Variants in BCAS3 observed in about 807,000 individuals in gnomAD.
The protein encoded by BCAS3 is BCAS3 microtubule associated cell migration factor, also known as BCAS4/BCAS3 fusion.
A neutral mutation model predicts 116.1 loss-of-function variants in BCAS3; 53 were observed. The observed-to-expected ratio is 0.46, with a 90% CI of 0.37 to 0.57. The LOEUF (loss-of-function observed/expected upper bound fraction) is 0.57, where lower values mean the gene tolerates loss of function less well. Among genes scored for constraint, BCAS3 ranks in the 20% least tolerant of loss-of-function variants. BCAS3 has a pLI of 0.00. For synonymous variants in BCAS3, 391 were observed against 408.2 expected (o/e 0.96, Z 0.51); for missense variants, 917 against 1,165.4 (o/e 0.79, Z 3.10).
At position 61,026,498 on chromosome 17, in the gene BCAS3, T is replaced by A. The variant is rs2066255205; in HGVS notation, c.1638-8168T>A. Among the ~76,000 whole-genome samples, 1 of 152,088 alleles carries A rather than the reference T, an allele frequency of 6.6e-6. No individual in the cohort carries two copies. The highest frequency in any genetic ancestry group is 1.5e-5 in the Non-Finnish European group (1 of 67,946). Reference sequence around the variant, plus strand: ...TTTTAACCATTTTGTGTCACATAGCTACACATTTGTTGCTATTGATCTCAC... The same window carrying A: ...TTTTAACCATTTTGTGTCACATAGCAACACATTTGTTGCTATTGATCTCAC... On this transcript the variant is annotated intron_variant, in intron 16 of 23. Coordinates refer to ENST00000407086, the MANE Select transcript of BCAS3 (RefSeq NM_017679.5). The surrounding 1 kb of genome is among the most constrained non-coding windows in gnomAD (Gnocchi z 5.0).
intron 6 of BCAS3, among the ~76,000 whole-genome samples, chr17:60,792,541 C>T (rs977175165): frequency 7.9e-5 from 12 of 152,290 alleles, no homozygotes; most frequent in Middle Eastern, 3.4e-3. Flanking sequence ...CAGAGGTTTC[C>T]GGCTGGCGAA....
In BCAS3 at chr17:61,015,778, A is replaced by C; in HGVS notation, c.1514A>C (p.Asn505Thr). ...HGKLNSQDSYNNFTNNNPGNP... is the reference protein window; with the variant it reads ...HGKLNSQDSYTNFTNNNPGNP... ...AAACTGAACAGCCAAGACTCCTATA[A>C]CAATTTTACCAACAACAACCCTGGC... Residue 505 changes from asparagine (N) to threonine (T), a missense_variant, in exon 16 of 24, where the codon AAC becomes ACC. By Grantham distance (65) the Asn-to-Thr change is moderately conservative. This residue lies in a region of BCAS3 where 807 missense variants were observed against 1,026.0 expected (regional missense o/e 0.79). Coordinates refer to ENST00000407086, the MANE Select transcript of BCAS3 (RefSeq NM_017679.5). The C allele has an allele frequency of 6.2e-7, 1 of 1,613,946 alleles. No homozygotes were observed. Among genetic ancestry groups the C allele is most frequent in the Non-Finnish European group, 8.5e-7 (1 of 1,179,922 alleles).
At position 60,936,849 on chromosome 17, in the gene BCAS3, C is replaced by T. The variant is rs370929226; in HGVS notation, c.1088-10370C>T. On this transcript the variant is annotated intron_variant, in intron 13 of 23. Coordinates refer to ENST00000407086, the MANE Select transcript of BCAS3 (RefSeq NM_017679.5). ...ATGGTAGTTTCTTTTGCTGTGCAGA[C>T]GCTCTTTAGTTTAATTAGATCCCAT... 3.3e-5 allele frequency among the ~76,000 whole-genome samples: 5 copies of T among 152,160 alleles called. No homozygotes were observed. The South Asian group carries it at 6.2e-4, about 19-fold the overall frequency.
chr17:61,025,611 C>T (rs2066184762), intron 16 of BCAS3, among the ~76,000 whole-genome samples: 1 of 152,072 alleles, frequency 6.6e-6, no homozygotes. Flanking sequence ...AGTTTAAAAT[C>T]TACTATTTTA....
At chr17:61,043,283 G>GCTTGAA (rs2067696864) in intron 19 of BCAS3, among the ~76,000 whole-genome samples, 1 of 151,942 alleles carries the variant, frequency 6.6e-6, no homozygotes, top group South Asian at 2.1e-4. Context: ...CATGAGAATT[G>GCTTGAA]CTTGAACCTG....
chr17:61,250,202 C>T (rs185025767), intron 22 of BCAS3, among the ~76,000 whole-genome samples: 10 of 152,196 alleles, frequency 6.6e-5, no homozygotes, highest in South Asian at 2.1e-4. Flanking sequence ...GTTCCTAGAT[C>T]GTTTATCCCC....
rs957805686 is a variant in BCAS3, at chr17:61,213,245, C to G, written c.2425+128681C>G. Among the ~76,000 whole-genome samples the G allele has an allele frequency of 6.6e-6, 1 of 152,136 alleles. No homozygotes were observed. The highest frequency in any genetic ancestry group is 1.5e-5 in the Non-Finnish European group (1 of 68,036). On this transcript the variant is annotated intron_variant, in intron 22 of 23. Coordinates refer to ENST00000407086, the MANE Select transcript of BCAS3 (RefSeq NM_017679.5). The surrounding 1 kb of genome is among the most constrained non-coding windows in gnomAD (Gnocchi z 5.4). Reference sequence around the variant, plus strand: ...AGTGCGGTGGTGCAGTCTTGGCTCACTGCAACCTCTGGTCCCCGGGTTCAA... The same window carrying G: ...AGTGCGGTGGTGCAGTCTTGGCTCAGTGCAACCTCTGGTCCCCGGGTTCAA...
At chr17:60,769,641 G>C (rs952179941) in intron 6 of BCAS3, among the ~76,000 whole-genome samples, 2 of 152,176 alleles carry the variant, frequency 1.3e-5, no homozygotes, top group Non-Finnish European at 2.9e-5. Flanking sequence ...TGTGCTGTTG[G>C]TCCACAGCAG....
intron 22 of BCAS3, among the ~76,000 whole-genome samples, chr17:61,206,851 T>C (rs2081172119): frequency 1.3e-5 from 2 of 149,364 alleles, no homozygotes; most frequent in Admixed American, 6.7e-5. Flanking sequence ...GAATCCCCTA[T>C]GAATGTACCA....
intron 6 of BCAS3, among the ~76,000 whole-genome samples, chr17:60,758,795 A>G (rs775810640): frequency 6.6e-6 from 1 of 152,150 alleles, no homozygotes; most frequent in East Asian, 1.9e-4. Context: ...GCTGTATCCC[A>G]TATGGTTTTG....
chr17:60,892,731 G>T (rs935469615), intron 10 of BCAS3, among the ~76,000 whole-genome samples: 75 of 151,992 alleles, frequency 4.9e-4, no homozygotes, highest in Non-Finnish European at 9.7e-4. Context: ...GACCAGCCTG[G>T]CCAACATAGT....
At chr17:61,050,278 A>G (rs1360000545) in intron 19 of BCAS3, among the ~76,000 whole-genome samples, 5 of 152,032 alleles carry the variant, frequency 3.3e-5, no homozygotes, top group Admixed American at 2.6e-4. Context: ...TGGATGAGAT[A>G]TTTTTCTAAT....
chr17:61,090,425 CAG>C (rs1491420358), intron 22 of BCAS3, among the ~76,000 whole-genome samples: 2 of 152,094 alleles, frequency 1.3e-5, no homozygotes, highest in Non-Finnish European at 2.9e-5. Context: ...AACAATCCCT[CAG>C]AGGGGAAAAA....
At chr17:61,330,245 C>T in intron 22 of BCAS3, among the ~76,000 whole-genome samples, 1 of 145,122 alleles carries the variant, frequency 6.9e-6, no homozygotes, top group Non-Finnish European at 1.5e-5. Context: ...CTCCCTCCCT[C>T]CCTCCCTCCC....
chr17:60,689,132 A>G (rs957685790), intron 3 of BCAS3: 1 of 152,162 alleles, frequency 6.6e-6, no homozygotes, highest in African/African-American at 2.4e-5. Context: ...AATTATAGTA[A>G]TGCTTCAAAA....
intron 14 of BCAS3, among the ~76,000 whole-genome samples, chr17:60,953,553 A>G (rs1431484248): frequency 1.3e-5 from 2 of 152,112 alleles, no homozygotes; most frequent in Non-Finnish European, 2.9e-5. Flanking sequence ...TTTGCTGTGC[A>G]GAAGCTCTTT....
At chr17:60,732,996 A>G (rs2040613286) in intron 5 of BCAS3, among the ~76,000 whole-genome samples, 1 of 152,204 alleles carries the variant, frequency 6.6e-6, no homozygotes, top group South Asian at 2.1e-4. Context: ...ATTAAGGTAG[A>G]ATAGTGAGAC....
intron 5 of BCAS3, among the ~76,000 whole-genome samples, chr17:60,729,790 A>G (rs1236049581): frequency 1.3e-5 from 2 of 152,218 alleles, no homozygotes; most frequent in Admixed American, 1.3e-4. Flanking sequence ...TCACTTTTCA[A>G]TTGAACACCT....
chr17:60,737,427 CACTT>C (rs1167815410), intron 5 of BCAS3, among the ~76,000 whole-genome samples: 1 of 151,930 alleles, frequency 6.6e-6, no homozygotes, highest in Non-Finnish European at 1.5e-5. Flanking sequence ...TATTTTCTTC[CACTT>C]ACTTTGGATT....
Sources: allele counts gnomAD v4.1 joint callset (sites outside exome capture counted in the v4.1 genomes callset), GRCh38; gene constraint gnomAD v4.1.1; regional missense constraint gnomAD v4.1.1; non-coding constraint Gnocchi (gnomAD v3.1); transcripts MANE v1.5; gene names NCBI Gene and HGNC (gene_info 2026-07-23, HGNC 2026-07-21).